SPON1: variants seen among roughly 807,000 people sequenced by gnomAD.
SPON1 encodes spondin 1.
Under a neutral mutation model 111.7 loss-of-function variants are expected in SPON1, and 52 were observed. The ratio of observed to expected loss-of-function variants is 0.47; its 90% CI spans 0.37 to 0.59. The LOEUF (loss-of-function observed/expected upper bound fraction) is 0.59. SPON1 is among the 20% of genes least tolerant of loss of function. The pLI, the probability that SPON1 is intolerant of heterozygous loss-of-function variation, is 0.00. For synonymous variants in SPON1, 410 were observed against 395.8 expected (o/e 1.04, Z -0.43); for missense variants, 957 against 1,068.5 (o/e 0.90, Z 1.46).
chr11:14,171,291 T>C (rs180879052), intron 6 of SPON1, among the ~76,000 whole-genome samples: 4,119 of 152,328 alleles, frequency 0.027, 74 homozygotes, highest in Non-Finnish European at 0.041. Flanking sequence ...TAGAGGTGTT[T>C]ATAGTATTCT....
intron 6 of SPON1, among the ~76,000 whole-genome samples, chr11:14,242,385 C>A (rs559360629): frequency 9.8e-5 from 15 of 152,316 alleles, no homozygotes; most frequent in African/African-American, 3.6e-4. Flanking sequence ...CCTTCCTTCC[C>A]CAGCTGGTGA....
At chr11:14,127,996 A>G (rs1847480199) in intron 5 of SPON1, among the ~76,000 whole-genome samples, 1 of 152,224 alleles carries the variant, frequency 6.6e-6, no homozygotes. Flanking sequence ...TATCACCCCC[A>G]TGATCCAATC....
At chr11:13,997,729 T>C (rs1554911962) in intron 2 of SPON1, among the ~76,000 whole-genome samples, 1 of 152,170 alleles carries the variant, frequency 6.6e-6, no homozygotes, top group East Asian at 1.9e-4. Flanking sequence ...TGTAATAGGA[T>C]TGGGATCGCT....
At chr11:14,218,602 A>T (rs1848649471) in intron 6 of SPON1, among the ~76,000 whole-genome samples, 1 of 148,592 alleles carries the variant, frequency 6.7e-6, no homozygotes, top group African/African-American at 2.4e-5. Context: ...TTCAGGTGTT[A>T]GGCATACCCT....
chr11:14,173,044 C>T lies in SPON1; in HGVS notation c.825+37476C>T, dbSNP rs1229793276. ...CCTGAATTTGAATGTTGGCCTGCCTCGCTAGATTGGGGAAGTTCTCCTGGA... is the reference window on the plus strand; with the variant it reads ...CCTGAATTTGAATGTTGGCCTGCCTTGCTAGATTGGGGAAGTTCTCCTGGA... On this transcript the variant is annotated intron_variant, in intron 6 of 15. Transcript: ENST00000576479. 1.6e-4 allele frequency among the ~76,000 whole-genome samples: 25 copies of T among 151,754 alleles called. 1 individual carries two copies. Among genetic ancestry groups the T allele is most frequent in the African/African-American group, 3.6e-4 (15 of 41,364 alleles).
chr11:14,215,299 C>T (rs1207405876), intron 6 of SPON1, among the ~76,000 whole-genome samples: 1 of 152,176 alleles, frequency 6.6e-6, no homozygotes, highest in Non-Finnish European at 1.5e-5. Flanking sequence ...CCACACATTG[C>T]CTCCTTAGGT....
intron 2 of SPON1, among the ~76,000 whole-genome samples, chr11:14,014,241 T>C (rs781867447): frequency 6.6e-6 from 1 of 152,058 alleles, no homozygotes; most frequent in African/African-American, 2.4e-5. Context: ...GCAAGTGAGA[T>C]GGTAGCAGGC....
chr11:14,153,884 A>T (rs1478988387), intron 6 of SPON1, among the ~76,000 whole-genome samples: 1 of 152,222 alleles, frequency 6.6e-6, no homozygotes. Flanking sequence ...TAAATTGGCA[A>T]AAAATAAAGG....
intron 1 of SPON1, among the ~76,000 whole-genome samples, chr11:13,981,482 A>C (rs1848143725): frequency 6.6e-6 from 1 of 152,150 alleles, no homozygotes; most frequent in Non-Finnish European, 1.5e-5. Context: ...GCCTACCACC[A>C]CGCCTGGCTA....
intron 2 of SPON1, among the ~76,000 whole-genome samples, chr11:14,031,414 C>A (rs1320608587): frequency 6.6e-6 from 1 of 152,126 alleles, no homozygotes; most frequent in Non-Finnish European, 1.5e-5. Flanking sequence ...AAGCCTAAAT[C>A]TTTACAGTTT....
At chr11:14,065,297 C>T (rs528589992) in intron 3 of SPON1, among the ~76,000 whole-genome samples, 2 of 152,176 alleles carry the variant, frequency 1.3e-5, no homozygotes, top group Admixed American at 6.5e-5. Context: ...CCCACAGAAG[C>T]GGGAGGAGGC....
rs376382967 is a variant in SPON1, at chr11:14,041,599, C to G, written c.424C>G (p.Arg142Gly). The change falls in exon 3 of 16, where the codon CGG (arginine) becomes GGG (glycine). Residue 142 changes from arginine to glycine, a missense_variant. Around this residue, in one of 5 missense-constraint regions of SPON1, gnomAD observed 262 missense variants for 253.9 expected, o/e 1.03. Coordinates refer to ENST00000576479, the MANE Select transcript of SPON1 (RefSeq NM_006108.4). Reference sequence around the variant, plus strand: ...TGAAAGCACTCCACGGAGGAGGACCCGGATCCAGGTGTTTTGGATAGCACC... The same window carrying G: ...TGAAAGCACTCCACGGAGGAGGACCGGGATCCAGGTGTTTTGGATAGCACC... ...VTESTPRRRT[R>G]IQVFWIAPPA... 4.3e-6 allele frequency: 7 copies of G among 1,613,686 alleles called. No homozygotes were observed. Among genetic ancestry groups the G allele is most frequent in the East Asian group, 4.5e-5 (2 of 44,890 alleles).
At chr11:13,998,909 A>T (rs1479327159) in intron 2 of SPON1, among the ~76,000 whole-genome samples, 1 of 152,230 alleles carries the variant, frequency 6.6e-6, no homozygotes, top group Non-Finnish European at 1.5e-5. Flanking sequence ...TTATGCAAAA[A>T]AGAACTTTTT....
chr11:14,213,446 T>C (rs1244180555), intron 6 of SPON1, among the ~76,000 whole-genome samples: 4 of 152,088 alleles, frequency 2.6e-5, no homozygotes, highest in African/African-American at 9.7e-5. Flanking sequence ...TTTGGGCTCC[T>C]TAGCGATGGA....
At position 13,962,850 on chromosome 11, in the gene SPON1, C is replaced by A; in HGVS notation, c.-55C>A. On this transcript the variant is annotated 5_prime_UTR_variant, in exon 1 of 16. Coordinates refer to ENST00000576479, the MANE Select transcript of SPON1 (RefSeq NM_006108.4). ...GCGCCTTCGTCGGGACCACTTCGGG[C>A]AGGAGTCGCGTGGCGAAGGCCTGCG... The A allele has an allele frequency of 7.2e-7, 1 of 1,393,334 alleles. No homozygotes were observed. Among genetic ancestry groups the A allele is most frequent in the Non-Finnish European group, 9.3e-7 (1 of 1,074,330 alleles). 86.3% of individuals were successfully genotyped at this position (1,393,334 alleles called of 1,614,324 possible).
At chr11:14,218,737 T>A in intron 6 of SPON1, among the ~76,000 whole-genome samples, 1 of 152,196 alleles carries the variant, frequency 6.6e-6, no homozygotes, top group East Asian at 1.9e-4. Context: ...CAAGGAAAGC[T>A]GTGTGACAGT....
At chr11:14,102,072 A>C (rs1849147809) in intron 5 of SPON1, among the ~76,000 whole-genome samples, 2 of 152,188 alleles carry the variant, frequency 1.3e-5, no homozygotes. Context: ...TATTTCCTGA[A>C]TGTTTTTGTA....
intron 6 of SPON1, among the ~76,000 whole-genome samples, chr11:14,176,087 G>A (rs73426112): frequency 0.047 from 7,110 of 152,082 alleles, 523 homozygotes; most frequent in African/African-American, 0.16. Flanking sequence ...TCTGGGAAAG[G>A]CAAAGAGCAG....
intron 3 of SPON1, among the ~76,000 whole-genome samples, chr11:14,045,417 A>C (rs1404312850): frequency 6.6e-6 from 1 of 151,920 alleles, no homozygotes; most frequent in African/African-American, 2.4e-5. Context: ...GTCTCTTCTA[A>C]AAATACAAAA....
Sources: allele counts gnomAD v4.1 joint callset (sites outside exome capture counted in the v4.1 genomes callset), GRCh38; gene constraint gnomAD v4.1.1; regional missense constraint gnomAD v4.1.1; transcripts MANE v1.5; gene names NCBI Gene and HGNC (gene_info 2026-07-23, HGNC 2026-07-21).